The following ZFYVE9 variants were observed in gnomAD, a reference collection of about 807,000 sequenced individuals.
The protein encoded by ZFYVE9 is zinc finger FYVE domain-containing protein 9.
ZFYVE9 carries 43 observed loss-of-function variants against 126.7 expected under a neutral mutation model. That is an observed-to-expected ratio of 0.34 (90% confidence interval 0.27 to 0.44). The LOEUF is 0.44. Ranked by LOEUF, ZFYVE9 falls within the 20% of genes least tolerant of loss-of-function variation. The probability of loss-of-function intolerance (pLI) is 1.00; values close to 1 mark genes in which losing one functional copy is unlikely to be tolerated. For missense variants in ZFYVE9, 1,476 were observed against 1,697.0 expected, an observed-to-expected ratio of 0.87 and a Z score of 2.29; for synonymous variants, 521 against 597.4, an observed-to-expected ratio of 0.87 and a Z score of 1.87.
rs141791858 is a variant in ZFYVE9, at chr1:52,237,683, C to T, written c.266C>T (p.Ala89Val). Residue 89 changes from alanine to valine, a missense_variant, in exon 4 of 19, where the codon GCT (alanine) becomes GTT (valine). Physicochemically the swap from Ala to Val is moderately conservative, Grantham distance 64. Around this residue, in one of 2 missense-constraint regions of ZFYVE9, gnomAD observed 807 missense variants for 794.6 expected, o/e 1.02. Transcript: ENST00000287727. ...ACCACAGAGGAAGAGGATCACTGTG[C>T]TAATGGACAGGACTGTAATCTAAAT... ...PLTTEEEDHC[A>V]NGQDCNLNPE... The T allele has an allele frequency of 5.3e-4, 851 of 1,614,054 alleles. 8 individuals are homozygous for T. The highest frequency in any genetic ancestry group is 2.0e-3 in the Middle Eastern group (12 of 6,062).
chr1:52,307,515 G>A (rs1025598229), intron 13 of ZFYVE9, among the ~76,000 whole-genome samples: 4 of 152,138 alleles, frequency 2.6e-5, no homozygotes, highest in African/African-American at 7.2e-5. Context: ...AGAATTACAG[G>A]TGTGTGCCAC....
Position 52,293,540 on chromosome 1 carries a change from C to T in ZFYVE9, c.3113C>T (p.Ser1038Phe), listed in dbSNP as rs192873630. The change falls in exon 11 of 19, where the codon TCT (serine) becomes TTT (phenylalanine). Residue 1038 changes from serine (S) to phenylalanine (F), a missense_variant. Physicochemically the swap from Ser to Phe is radical, Grantham distance 155 (BLOSUM62 -2). Around this residue, in one of 2 missense-constraint regions of ZFYVE9, gnomAD observed 669 missense variants for 902.4 expected, o/e 0.74. Transcript: ENST00000287727. ...CATGGTGGATTCTTATATGTGACAT[C>T]TACCTACCAGTCACTGCAAGACCTA... The part of the protein sequence containing the change: ...KEHGGFLYVT[S>F]TYQSLQDLVL... 2 of 1,614,092 alleles carry T rather than the reference C, an allele frequency of 1.2e-6. No homozygotes were observed. Among genetic ancestry groups the T allele is most frequent in the African/African-American group, 1.3e-5 (1 of 75,012 alleles).
rs1212510854 is a variant in ZFYVE9 at position 52,213,245 on chromosome 1, ATTTC to A, written c.-142-3120_-142-3117del. 3.3e-5 allele frequency among the ~76,000 whole-genome samples: 5 copies of A among 152,000 alleles called. No individual in the cohort carries two copies. In the South Asian group the frequency reaches 6.2e-4, roughly 19 times the overall value. On this transcript the variant is annotated intron_variant, in intron 1 of 18. Coordinates refer to ENST00000287727, the MANE Select transcript of ZFYVE9 (RefSeq NM_004799.4). ...TTCCCTTCCTTTATTTTTCTGAACT[ATTTC>A]TTTATTTATTAGGGCATTAGCAACT...
At chr1:52,234,849 TTTTA>T (rs1645259096) in intron 3 of ZFYVE9, among the ~76,000 whole-genome samples, 1 of 152,210 alleles carries the variant, frequency 6.6e-6, no homozygotes, top group Non-Finnish European at 1.5e-5. Flanking sequence ...TTTCTTAATC[TTTTA>T]TTTGATTTAG....
chr1:52,213,659 AAG>A (rs1645047285), intron 1 of ZFYVE9, among the ~76,000 whole-genome samples: 1 of 152,126 alleles, frequency 6.6e-6, no homozygotes, highest in Non-Finnish European at 1.5e-5. Context: ...TCAAAAAAAA[AAG>A]AGGATTTATT....
chr1:52,155,995 G>A (rs1177018452), intron 1 of ZFYVE9, among the ~76,000 whole-genome samples: 1 of 152,178 alleles, frequency 6.6e-6, no homozygotes, highest in Admixed American at 6.5e-5. Flanking sequence ...AAGTTCTTCA[G>A]TATGCTAGCC....
intron 1 of ZFYVE9, among the ~76,000 whole-genome samples, chr1:52,163,714 C>T (rs1304677283): frequency 2.6e-5 from 4 of 151,966 alleles, no homozygotes; most frequent in African/African-American, 4.8e-5. Context: ...GGACCAGGCA[C>T]GGTGGCTCAC....
At chr1:52,168,807 C>A (rs1343612821) in intron 1 of ZFYVE9, among the ~76,000 whole-genome samples, 1 of 152,110 alleles carries the variant, frequency 6.6e-6, no homozygotes, top group Admixed American at 6.5e-5. Context: ...TGAGCCACCA[C>A]GCCTAGCCAG....
chr1:52,224,989 C>T (rs891932960), intron 2 of ZFYVE9, among the ~76,000 whole-genome samples: 1 of 152,058 alleles, frequency 6.6e-6, no homozygotes, highest in Non-Finnish European at 1.5e-5. Context: ...GTGTAATCCC[C>T]TGACTGGAAA....
intron 1 of ZFYVE9, among the ~76,000 whole-genome samples, chr1:52,144,606 T>C (rs956392970): frequency 6.6e-6 from 1 of 151,898 alleles, no homozygotes; most frequent in Non-Finnish European, 1.5e-5. Flanking sequence ...CTATAAGTCT[T>C]TAGTGGCAAT....
At chr1:52,190,498 A>G (rs1243274487) in intron 1 of ZFYVE9, among the ~76,000 whole-genome samples, 1 of 152,232 alleles carries the variant, frequency 6.6e-6, no homozygotes, top group East Asian at 1.9e-4. Flanking sequence ...TGATGACTAA[A>G]TAAAACAATG....
rs184359648 is a variant in ZFYVE9 at position 52,142,812 on chromosome 1, C to G, written c.-143+409C>G. Among the ~76,000 whole-genome samples the G allele has an allele frequency of 6.6e-6, 1 of 152,216 alleles. No homozygotes were observed. Among genetic ancestry groups the G allele is most frequent in the South Asian group, 2.1e-4 (1 of 4,828 alleles). ...CTTCCACGCGTCCCATACCGAGTCC[C>G]TCAGAATCCCGGTTGTGGCGGGGAA... is the stretch of plus-strand genomic sequence containing the variant. On this transcript the variant is annotated intron_variant, in intron 1 of 18. Coordinates refer to ENST00000287727, the MANE Select transcript of ZFYVE9 (RefSeq NM_004799.4). The surrounding 1 kb of genome is among the most constrained non-coding windows in gnomAD (Gnocchi z 4.5).
intron 4 of ZFYVE9, among the ~76,000 whole-genome samples, chr1:52,242,961 A>G (rs1010993551): frequency 6.6e-6 from 1 of 152,220 alleles, no homozygotes; most frequent in Non-Finnish European, 1.5e-5. Context: ...GGTCTCATCC[A>G]TGTCATAGCA....
At chr1:52,298,506 GTGTT>G (rs1218253260) in intron 12 of ZFYVE9, among the ~76,000 whole-genome samples, 2 of 152,138 alleles carry the variant, frequency 1.3e-5, no homozygotes, top group Non-Finnish European at 2.9e-5. Flanking sequence ...GTTGGAGTAT[GTGTT>G]TGTTTTGGCC....
At chr1:52,244,458 T>A (rs111659299) in intron 4 of ZFYVE9, among the ~76,000 whole-genome samples, 1 of 152,126 alleles carries the variant, frequency 6.6e-6, no homozygotes, top group African/African-American at 2.4e-5. Flanking sequence ...TTTATGAAGT[T>A]AGTGGTGAGA....
chr1:52,286,013 G>A (rs777154500), intron 10 of ZFYVE9, among the ~76,000 whole-genome samples: 23 of 152,130 alleles, frequency 1.5e-4, no homozygotes, highest in South Asian at 1.0e-3. Flanking sequence ...AAAATTAGCC[G>A]GGTGTGATGG....
chr1:52,244,118 A>G (rs995352879), intron 4 of ZFYVE9, among the ~76,000 whole-genome samples: 1 of 152,170 alleles, frequency 6.6e-6, no homozygotes, highest in African/African-American at 2.4e-5. Flanking sequence ...GATTGAGTGG[A>G]GCAATGTTTA....
intron 1 of ZFYVE9, among the ~76,000 whole-genome samples, chr1:52,187,255 G>T (rs1423252232): frequency 6.6e-6 from 1 of 152,190 alleles, no homozygotes; most frequent in African/African-American, 2.4e-5. Flanking sequence ...GGGATAACTG[G>T]CTAGCCATAT....
intron 4 of ZFYVE9, among the ~76,000 whole-genome samples, chr1:52,240,508 A>T (rs1459933031): frequency 6.6e-6 from 1 of 152,116 alleles, no homozygotes; most frequent in Non-Finnish European, 1.5e-5. Flanking sequence ...CATCTGTATT[A>T]ATTAGGGTGC....
Sources: gnomAD v4.1 joint callset for allele counts (sites outside exome capture counted in the v4.1 genomes callset) on GRCh38, gnomAD v4.1.1 for gene constraint, gnomAD v4.1.1 regional missense constraint, Gnocchi (gnomAD v3.1) non-coding constraint, MANE v1.5 for transcripts, NCBI Gene and HGNC (gene_info 2026-07-23, HGNC 2026-07-21) for gene names.